FOXRED2: variants seen among roughly 807,000 people sequenced by gnomAD.
The protein encoded by FOXRED2 is FAD-dependent oxidoreductase domain-containing protein 2.
A neutral mutation model predicts 52.5 loss-of-function variants in FOXRED2; 32 were observed. The ratio of observed to expected loss-of-function variants is 0.61; its 90% CI spans 0.46 to 0.82. FOXRED2 has a LOEUF of 0.82. Ranked by LOEUF, FOXRED2 falls within the 40% of genes least tolerant of loss-of-function variation. FOXRED2 has a pLI of 0.00. For missense variants in FOXRED2, 848 were observed against 937.5 expected (o/e 0.90, Z 1.25); for synonymous variants, 405 against 398.1 (o/e 1.02, Z -0.21).
chr22:36,503,257 G>A (rs1014040669), intron 4 of FOXRED2, among the ~76,000 whole-genome samples: 9 of 151,932 alleles, frequency 5.9e-5, no homozygotes, highest in Non-Finnish European at 1.2e-4. Context: ...CCAAAGTGCT[G>A]GGATTATAGG....
intron 7 of FOXRED2, among the ~76,000 whole-genome samples, chr22:36,494,929 G>A (rs540527505): frequency 8.5e-4 from 129 of 151,324 alleles, no homozygotes; most frequent in Non-Finnish European, 1.5e-3. Context: ...GAGCGACCGC[G>A]CCCGGCCTTT....
At chr22:36,501,433 A>G in intron 4 of FOXRED2, 26 bp from the exon 5 acceptor site, 1 of 1,611,086 alleles carries the variant, frequency 6.2e-7, no homozygotes, top group South Asian at 1.1e-5. Context: ...GCTGTTCATG[A>G]AAATAGCTGC....
At chr22:36,491,668 G>T (rs1171718860) in intron 8 of FOXRED2, among the ~76,000 whole-genome samples, 2 of 152,152 alleles carry the variant, frequency 1.3e-5, no homozygotes, top group Non-Finnish European at 1.5e-5. Flanking sequence ...GCCTCCCAAA[G>T]TGCTGGGATT....
chr22:36,505,886 C>G lies in FOXRED2; in HGVS notation c.527+10G>C. The G allele has an allele frequency of 6.2e-7, 1 of 1,602,632 alleles. No individual in the cohort carries two copies. Among genetic ancestry groups the G allele is most frequent in the Non-Finnish European group, 8.5e-7 (1 of 1,170,380 alleles). On this transcript the variant is annotated intron_variant, in intron 2 of 8. Transcript: ENST00000397224. ...CAGCTTCCGCAGGTGAGCTCTGGCA[C>G]CGGCCTTACCTGCACTGATGCACCT...
intron 8 of FOXRED2, 152 bp downstream of exon 8, chr22:36,493,481 G>T: frequency 1.7e-6 from 1 of 574,446 alleles, no homozygotes. Flanking sequence ...ATTTTTAGGT[G>T]AGTTGTAATT....
At position 36,506,340 on chromosome 22, in the gene FOXRED2, G is replaced by A. The variant is rs755697775; in HGVS notation, c.83C>T (p.Pro28Leu). 3 of 1,490,170 alleles carry A rather than the reference G, an allele frequency of 2.0e-6. No homozygotes were observed. The African/African-American group carries it at 4.2e-5, about 21-fold the overall frequency. The allele number at this position is 1,490,170 out of a possible 1,614,324, so 92.3% of individuals were successfully genotyped here. The change falls in exon 2 of 9, where the codon CCC (proline) becomes CTC (leucine). Residue 28 changes from proline (P) to leucine (L), a missense_variant. Pro to Leu is a moderately conservative substitution (Grantham distance 98, BLOSUM62 -3). Transcript: ENST00000397224. Reference sequence around the variant, plus strand: ...CAGCACGCAGTAGTCCCGGCGCGGGGGCACCGACAGCGCTGGGTGCAGGGC... The same window carrying A: ...CAGCACGCAGTAGTCCCGGCGCGGGAGCACCGACAGCGCTGGGTGCAGGGC... The part of the protein sequence containing the change: ...AIALHPALSV[P>L]PRRDYCVLGA...
In FOXRED2 at chr22:36,487,257, A is replaced by T. The variant is rs190554107; in HGVS notation, c.*2751T>A. On this transcript the variant is annotated 3_prime_UTR_variant, in exon 9 of 9. Transcript: ENST00000397224. The stretch of plus-strand genomic sequence containing the variant: ...TCATGGATGGTGCAATGGCGAGAGC[A>T]CACCGGAACAAGGGAGGGGAATGGG... 3 of 152,270 alleles carry T rather than the reference A, an allele frequency of 2.0e-5. No homozygotes were observed. The highest frequency in any genetic ancestry group is 4.4e-5 in the Non-Finnish European group (3 of 68,052). The allele number at this position is 152,270 out of a possible 1,614,324, so 9.4% of individuals were successfully genotyped here. A position where few individuals can be genotyped will look rare whatever the true frequency, so the allele number is the denominator to read the frequency against.
rs755186215 is a variant in FOXRED2, at chr22:36,504,774, C to T, written c.528-8G>A. ...GTGGCTACAAAGAGGACGCTGCAGGCGGGGACAGAGGAAAGATGGCTTAGT... is the reference window on the plus strand; with the variant it reads ...GTGGCTACAAAGAGGACGCTGCAGGTGGGGACAGAGGAAAGATGGCTTAGT... On this transcript the variant is annotated splice_polypyrimidine_tract_variant and splice_region_variant and intron_variant, in intron 2 of 8. Coordinates refer to ENST00000397224, the MANE Select transcript of FOXRED2 (RefSeq NM_001102371.2). 19 of 1,613,224 alleles carry T rather than the reference C, an allele frequency of 1.2e-5. 1 individual carries two copies. Among genetic ancestry groups the T allele is most frequent in the South Asian group, 5.5e-5 (5 of 91,058 alleles).
At chr22:36,497,681 A>G (rs1255707439) in intron 6 of FOXRED2, among the ~76,000 whole-genome samples, 1 of 152,140 alleles carries the variant, frequency 6.6e-6, no homozygotes, top group African/African-American at 2.4e-5. Flanking sequence ...CTGCTCATCC[A>G]CGTGATGCCA....
At chr22:36,494,821 T>G (rs1373545511) in intron 7 of FOXRED2, among the ~76,000 whole-genome samples, 1 of 151,886 alleles carries the variant, frequency 6.6e-6, no homozygotes, top group Non-Finnish European at 1.5e-5. Context: ...GTATTTTTAT[T>G]AGAGACGGGG....
At chr22:36,496,297 G>A in intron 6 of FOXRED2, 89 bp from the exon 7 acceptor site, 2 of 1,500,162 alleles carry the variant, frequency 1.3e-6, no homozygotes, top group Non-Finnish European at 9.1e-7. Flanking sequence ...GTGTGCGTGT[G>A]TATCTCCCCC....
At chr22:36,500,401 T>C (rs774402474) in intron 5 of FOXRED2, among the ~76,000 whole-genome samples, 1 of 152,170 alleles carries the variant, frequency 6.6e-6, no homozygotes, top group Non-Finnish European at 1.5e-5. Flanking sequence ...TCCTTTTTAT[T>C]TCCCATTTAC....
chr22:36,500,328 G>T (rs564688808), intron 5 of FOXRED2, among the ~76,000 whole-genome samples: 1 of 152,260 alleles, frequency 6.6e-6, no homozygotes, highest in Admixed American at 6.5e-5. Context: ...CCCTGCCAGG[G>T]TCGTGTGTTC....
intron 5 of FOXRED2, among the ~76,000 whole-genome samples, chr22:36,499,274 GT>G (rs1482264037): frequency 6.6e-6 from 1 of 152,116 alleles, no homozygotes; most frequent in Non-Finnish European, 1.5e-5. Context: ...ATGTCTTTGA[GT>G]GGCAGAATAT....
At chr22:36,494,283 A>T (rs750034400) in intron 7 of FOXRED2, among the ~76,000 whole-genome samples, 3 of 151,656 alleles carry the variant, frequency 2.0e-5, no homozygotes, top group Non-Finnish European at 4.4e-5. Flanking sequence ...CACCGAGCTC[A>T]TATTTTACAT....
Position 36,489,452 on chromosome 22 carries a change from T to C in FOXRED2, c.*556A>G, listed in dbSNP as rs1933689348. The stretch of plus-strand genomic sequence containing the variant: ...GGAGGTTGAGGCAGTGTGTGGCAAG[T>C]GACACAGACGGGGACTCCCAGCTGG... On this transcript the variant is annotated 3_prime_UTR_variant, in exon 9 of 9. Transcript: ENST00000397224. 6.6e-6 allele frequency: 1 copy of C among 152,168 alleles called. No individual in the cohort carries two copies. The highest frequency in any genetic ancestry group is 1.5e-5 in the Non-Finnish European group (1 of 68,060). 9.4% of individuals were successfully genotyped at this position (152,168 alleles called of 1,614,324 possible).
chr22:36,505,383 A>G (rs547299683), intron 2 of FOXRED2, among the ~76,000 whole-genome samples: 3 of 152,280 alleles, frequency 2.0e-5, no homozygotes, highest in Non-Finnish European at 1.5e-5. Context: ...TGCTCCTTCC[A>G]TTGGTGAGGA....
chr22:36,501,343 C>A lies in FOXRED2; in HGVS notation c.1114G>T (p.Glu372Ter). The change falls in exon 5 of 9, where the codon GAA becomes TAA. Residue 372 changes from glutamate (E) to a stop codon, truncating the protein, a stop_gained. Transcript: ENST00000397224. LOFTEE classifies it high-confidence loss of function. ...AACAGACCCCGGCTTCCTTTGGATT[C>A]GTAGCTAGCTCGAATCAGCGGGTAC... ...KKYPLIRASY[E>*]SKGSRGLFIL... is the part of the protein sequence containing the mutation. 6.2e-7 allele frequency: 1 copy of A among 1,614,098 alleles called. No homozygotes were observed. The highest frequency in any genetic ancestry group is 1.1e-5 in the South Asian group (1 of 91,074).
In FOXRED2 at chr22:36,501,223, C is replaced by A. The variant is rs756521468; in HGVS notation, c.1216+18G>T. On this transcript the variant is annotated intron_variant, in intron 5 of 8. Coordinates refer to ENST00000397224, the MANE Select transcript of FOXRED2 (RefSeq NM_001102371.2). ...TGGTTCCGTCTGGGGACAGTTCTGC[C>A]TTCTCAGCTGGGCTCACCTGTGTAT... 3 of 1,612,950 alleles carry A rather than the reference C, an allele frequency of 1.9e-6. No homozygotes were observed. The highest frequency in any genetic ancestry group is 3.3e-5 in the Admixed American group (2 of 59,976).
Sources: gnomAD v4.1 joint callset for allele counts (sites outside exome capture counted in the v4.1 genomes callset) on GRCh38, gnomAD v4.1.1 for gene constraint, MANE v1.5 for transcripts, NCBI Gene and HGNC (gene_info 2026-07-23, HGNC 2026-07-21) for gene names.